Variants in SUGCT observed in about 807,000 individuals in gnomAD.
SUGCT encodes the protein succinyl-CoA:glutarate-CoA transferase, also known as succinyl-CoA:glutarate CoA-transferase.
SUGCT carries 41 observed loss-of-function variants against 55.0 expected under a neutral mutation model. The observed-to-expected ratio is 0.74, with a 90% CI of 0.58 to 0.97. The LOEUF (loss-of-function observed/expected upper bound fraction) is 0.97, where lower values mean the gene tolerates loss of function less well. SUGCT is among the 50% of genes least tolerant of loss of function. The pLI is 0.00. For synonymous variants in SUGCT, 187 were observed against 200.4 expected, an observed-to-expected ratio of 0.93 and a Z score of 0.56; for missense variants, 568 against 547.8, an observed-to-expected ratio of 1.04 and a Z score of -0.37.
chr7:40,440,570 A>G (rs1387091480), intron 9 of SUGCT, among the ~76,000 whole-genome samples: 1 of 152,006 alleles, frequency 6.6e-6, no homozygotes, highest in African/African-American at 2.4e-5. Flanking sequence ...TCATCATGAC[A>G]CCTTTTTCCC....
chr7:40,621,532 A>G (rs1213353070), intron 12 of SUGCT, among the ~76,000 whole-genome samples: 2 of 152,200 alleles, frequency 1.3e-5, no homozygotes, highest in East Asian at 3.9e-4. Flanking sequence ...AGGAATACAG[A>G]GTAGGCTGGT....
At chr7:40,429,341 G>A (rs1206161399) in intron 9 of SUGCT, among the ~76,000 whole-genome samples, 1 of 152,086 alleles carries the variant, frequency 6.6e-6, no homozygotes, top group African/African-American at 2.4e-5. Context: ...TCTCTAGAGG[G>A]ACATAACTAA....
chr7:40,267,039 A>AACAAAC (rs5883725), intron 7 of SUGCT, among the ~76,000 whole-genome samples: 1 of 139,476 alleles, frequency 7.2e-6, no homozygotes, highest in African/African-American at 2.7e-5. Flanking sequence ...CAAACAAACA[A>AACAAAC]AAAAAAAAAA....
At chr7:40,992,764 T>G in the SUGCT span, among the ~76,000 whole-genome samples, 1 of 152,192 alleles carries the variant, frequency 6.6e-6, no homozygotes. Flanking sequence ...AATTCTACCC[T>G]AGGTGAGTTA....
In SUGCT at chr7:40,377,396, C is replaced by T. The variant is rs1489886662; in HGVS notation, c.816+60541C>T. Among the ~76,000 whole-genome samples, 13 of 150,890 alleles carry T rather than the reference C, an allele frequency of 8.6e-5. No individual in the cohort carries two copies. In the Admixed American group the frequency reaches 8.6e-4, roughly 10 times the overall value. On this transcript the variant is annotated intron_variant, in intron 9 of 13. Coordinates refer to ENST00000335693, the MANE Select transcript of SUGCT (RefSeq NM_001193313.2). ...TAGCTGGGATGACAGGCGTGAGCCA[C>T]CACACCCAGCTAATTTTTGTATTTT...
the SUGCT span, among the ~76,000 whole-genome samples, chr7:41,017,504 C>T: frequency 6.6e-6 from 1 of 152,168 alleles, no homozygotes; most frequent in Admixed American, 6.5e-5. Context: ...GGTGCGGTGG[C>T]TCACGCCTGT....
rs569299781 is a variant in SUGCT, at chr7:40,699,385, A to T, written c.1090-50049A>T. On this transcript the variant is annotated intron_variant, in intron 12 of 13. Transcript: ENST00000335693. ...GGGACAAGGTGGGGACGTGAGAAGAAAGGGAGCTCAGGCCACATGGCAGTG... is the reference window on the plus strand; with the variant it reads ...GGGACAAGGTGGGGACGTGAGAAGATAGGGAGCTCAGGCCACATGGCAGTG... 9.9e-5 allele frequency among the ~76,000 whole-genome samples: 15 copies of T among 152,222 alleles called. No homozygotes were observed. In the South Asian group the frequency reaches 3.1e-3, roughly 32 times the overall value.
Position 40,634,335 on chromosome 7 carries a change from GC to G in SUGCT, c.1090-115098del, listed in dbSNP as rs568433016. Among the ~76,000 whole-genome samples the G allele has an allele frequency of 2.0e-4, 30 of 152,264 alleles. No individual in the cohort carries two copies. The East Asian group carries it at 5.4e-3, about 27-fold the overall frequency. On this transcript the variant is annotated intron_variant, in intron 12 of 13. Coordinates refer to ENST00000335693, the MANE Select transcript of SUGCT (RefSeq NM_001193313.2). ...GACACTAAATGCAACCCACCGCGGT[GC>G]ATCTCGAGGGCTACTGCTCTGTGTG... is the stretch of plus-strand genomic sequence containing the variant.
At chr7:40,916,780 A>G in the SUGCT span, among the ~76,000 whole-genome samples, 1 of 152,212 alleles carries the variant, frequency 6.6e-6, no homozygotes, top group Non-Finnish European at 1.5e-5. Flanking sequence ...GTAGGCTTTA[A>G]CATTTATTAT....
At chr7:40,195,790 C>T (rs1786248557) in intron 6 of SUGCT, among the ~76,000 whole-genome samples, 1 of 144,434 alleles carries the variant, frequency 6.9e-6, no homozygotes, top group African/African-American at 2.6e-5. Context: ...TCTCGGCTCA[C>T]TGCACCCTCT....
intron 13 of SUGCT, among the ~76,000 whole-genome samples, chr7:40,771,376 A>G (rs1405612038): frequency 1.3e-5 from 2 of 152,210 alleles, no homozygotes; most frequent in Non-Finnish European, 2.9e-5. Flanking sequence ...TGATAGTCAA[A>G]TTGAATTATA....
At chr7:40,950,511 G>A in the SUGCT span, among the ~76,000 whole-genome samples, 1 of 152,164 alleles carries the variant, frequency 6.6e-6, no homozygotes, top group Non-Finnish European at 1.5e-5. Flanking sequence ...GGAGTGGTGA[G>A]AGAGGGCATC....
At chr7:40,832,642 A>G (rs1000419194) in intron 13 of SUGCT, among the ~76,000 whole-genome samples, 3 of 143,608 alleles carry the variant, frequency 2.1e-5, no homozygotes, top group African/African-American at 7.8e-5. Context: ...AGATATACCT[A>G]TTGCTTCAGG....
intron 6 of SUGCT, among the ~76,000 whole-genome samples, chr7:40,213,459 G>T (rs1360380592): frequency 6.6e-6 from 1 of 152,148 alleles, no homozygotes; most frequent in East Asian, 1.9e-4. Context: ...TCATGTCAGG[G>T]ACTATCTGAT....
chr7:40,997,472 C>T, the SUGCT span, among the ~76,000 whole-genome samples: 2 of 152,256 alleles, frequency 1.3e-5, no homozygotes, highest in South Asian at 2.1e-4. Flanking sequence ...AAGCTTTGAT[C>T]ACCAGACTGC....
At chr7:40,299,936 A>C (rs543847350) in intron 8 of SUGCT, among the ~76,000 whole-genome samples, 1 of 152,330 alleles carries the variant, frequency 6.6e-6, no homozygotes, top group East Asian at 1.9e-4. Flanking sequence ...TCTTTGATTA[A>C]TTAGAACAGC....
At chr7:40,407,492 C>A (rs1786436640) in intron 9 of SUGCT, among the ~76,000 whole-genome samples, 1 of 151,800 alleles carries the variant, frequency 6.6e-6, no homozygotes, top group South Asian at 2.1e-4. Flanking sequence ...AGTACGTCAT[C>A]ATTTATGGTC....
chr7:40,894,578 G>T, the SUGCT span, among the ~76,000 whole-genome samples: 1 of 152,014 alleles, frequency 6.6e-6, no homozygotes, highest in Non-Finnish European at 1.5e-5. Flanking sequence ...TCCAACAAAG[G>T]TCTTATATCC....
chr7:40,425,570 G>A (rs906330449), intron 9 of SUGCT, among the ~76,000 whole-genome samples: 2 of 151,972 alleles, frequency 1.3e-5, no homozygotes, highest in African/African-American at 4.8e-5. Context: ...AAGCTTTTTT[G>A]TTTTTTTAAA....
Sources: allele counts gnomAD v4.1 joint callset (sites outside exome capture counted in the v4.1 genomes callset), GRCh38; gene constraint gnomAD v4.1.1; transcripts MANE v1.5; gene names NCBI Gene and HGNC (gene_info 2026-07-23, HGNC 2026-07-21).